Variants in NFATC2 observed in about 807,000 individuals in gnomAD.
The protein encoded by NFATC2 is nuclear factor of activated T cells 2, also known as nuclear factor of activated T-cells, cytoplasmic 2.
In NFATC2, 22 loss-of-function variants were observed where a neutral mutation model predicts 87.3. The ratio of observed to expected loss-of-function variants is 0.25; its 90% confidence interval spans 0.18 to 0.36. The LOEUF is 0.36. NFATC2 is among the 10% of genes least tolerant of loss of function. The pLI is 1.00. For missense variants in NFATC2, 1,149 were observed against 1,259.1 expected, an observed-to-expected ratio of 0.91 and a Z score of 1.32; for synonymous variants, 565 against 542.2, an observed-to-expected ratio of 1.04 and a Z score of -0.58.
At chr20:51,500,649 A>AC (rs1185690116) in intron 3 of NFATC2, among the ~76,000 whole-genome samples, 6,174 of 21,920 alleles carry the variant, frequency 0.28, 604 homozygotes, top group African/African-American at 0.45. Context: ...CACCCTCACC[A>AC]CCCCCCCCTC....
intron 9 of NFATC2, among the ~76,000 whole-genome samples, chr20:51,421,694 A>G (rs1600698428): frequency 6.6e-6 from 1 of 152,338 alleles, no homozygotes. Flanking sequence ...TGGATTTTCT[A>G]AGCAAAGTCA....
chr20:51,518,123 G>A (rs2076384670), intron 2 of NFATC2, among the ~76,000 whole-genome samples: 1 of 152,154 alleles, frequency 6.6e-6, no homozygotes, highest in South Asian at 2.1e-4. Context: ...CCTTGATAAA[G>A]ACAGTGTGAG....
chr20:51,435,817 A>C, intron 6 of NFATC2, 56 bp from the exon 7 acceptor site: 1 of 1,481,672 alleles, frequency 6.7e-7, no homozygotes, highest in Non-Finnish European at 9.2e-7. Flanking sequence ...CCAAAGATTT[A>C]AGACAAAAAC....
rs1161302844 is a variant in NFATC2 at position 51,415,884 on chromosome 20, G to A, written c.2722+16183C>T. Among the ~76,000 whole-genome samples the A allele has an allele frequency of 3.8e-4, 58 of 152,110 alleles. 1 individual carries two copies. ...CAGGAGGAAAAACTGACCCTGGTCT[G>A]GAACAATCCTGCACCAAATACAGAT... On this transcript the variant is annotated intron_variant, in intron 9 of 10. Transcript: ENST00000371564.
chr20:51,546,181 C>T (rs2076888145), upstream of NFATC2, among the ~76,000 whole-genome samples: 1 of 152,146 alleles, frequency 6.6e-6, no homozygotes, highest in African/African-American at 2.4e-5. Context: ...CCTTTGTTGT[C>T]CCTCTGAACA....
At chr20:51,443,816 G>A (rs1016056835) in intron 6 of NFATC2, among the ~76,000 whole-genome samples, 1 of 152,094 alleles carries the variant, frequency 6.6e-6, no homozygotes, top group Admixed American at 6.5e-5. Flanking sequence ...GGCAGCCGGT[G>A]TGAAAACAGC....
chr20:51,540,769 C>T (rs1322491948), intron 1 of NFATC2, among the ~76,000 whole-genome samples: 1 of 150,680 alleles, frequency 6.6e-6, no homozygotes, highest in Non-Finnish European at 1.5e-5. Flanking sequence ...AAAGTACCTC[C>T]CTTCAGATTT....
chr20:51,477,576 T>TAAAA (rs1555803320), intron 3 of NFATC2, among the ~76,000 whole-genome samples: 2 of 73,892 alleles, frequency 2.7e-5, no homozygotes, highest in African/African-American at 4.9e-5. Context: ...TATATATATA[T>TAAAA]ATATAAAATA....
At chr20:51,396,591 A>C (rs1311733731) in intron 10 of NFATC2, among the ~76,000 whole-genome samples, 1 of 152,168 alleles carries the variant, frequency 6.6e-6, no homozygotes. Context: ...CCAGCCACAA[A>C]GGCCATGGCC....
rs2077041138 is a variant in NFATC2, at chr20:51,562,466, G to A, written c.70+94C>T. On this transcript the variant is annotated intron_variant, in intron 1 of 10. Coordinates refer to the NFATC2 transcript ENST00000414705. The surrounding 1 kb of genome is among the most constrained non-coding windows in gnomAD (Gnocchi z 5.8). ...CCCCAGGCCTCCCGCACCGACCTCTGCCGGGAGCTGAAAGTGCTGCCCGGG... is the reference window on the plus strand; with the variant it reads ...CCCCAGGCCTCCCGCACCGACCTCTACCGGGAGCTGAAAGTGCTGCCCGGG... The A allele has an allele frequency of 5.9e-6, 7 of 1,178,380 alleles. No individual in the cohort carries two copies. The East Asian group carries it at 1.9e-4, about 32-fold the overall frequency. The allele number at this position is 1,178,380 out of a possible 1,614,324, so 73.0% of individuals were successfully genotyped here. A position where few individuals can be genotyped will look rare whatever the true frequency, so the allele number is the denominator to read the frequency against.
chr20:51,552,054 T>C (rs1205878711), intron 1 of NFATC2, among the ~76,000 whole-genome samples: 1 of 147,840 alleles, frequency 6.8e-6, no homozygotes. Context: ...TATTAAAATA[T>C]GGTTCATCCT....
intron 1 of NFATC2, among the ~76,000 whole-genome samples, chr20:51,536,323 G>A (rs1213585392): frequency 6.6e-6 from 1 of 152,138 alleles, no homozygotes. Flanking sequence ...GTGAGATATA[G>A]TGCTGATGGC....
At chr20:51,464,083 G>C (rs1462584942) in intron 5 of NFATC2, among the ~76,000 whole-genome samples, 1 of 152,218 alleles carries the variant, frequency 6.6e-6, no homozygotes, top group Non-Finnish European at 1.5e-5. Context: ...GTTGCAGGCT[G>C]TCTGCTCGAC....
At chr20:51,468,502 C>T (rs1444966883) in intron 5 of NFATC2, among the ~76,000 whole-genome samples, 1 of 152,180 alleles carries the variant, frequency 6.6e-6, no homozygotes, top group Non-Finnish European at 1.5e-5. Context: ...TTCTGAAATA[C>T]ACGGAGCAGA....
intron 3 of NFATC2, among the ~76,000 whole-genome samples, chr20:51,503,909 T>C (rs532506027): frequency 1.3e-5 from 2 of 152,334 alleles, no homozygotes; most frequent in African/African-American, 4.8e-5. Context: ...AGTGGTGCAA[T>C]CTTGGCTCAC....
At chr20:51,413,835 G>A (rs1033942780) in intron 9 of NFATC2, among the ~76,000 whole-genome samples, 11 of 152,130 alleles carry the variant, frequency 7.2e-5, no homozygotes, top group Admixed American at 1.3e-4. Flanking sequence ...CTTGCTGTGG[G>A]ACCTTGGACC....
At chr20:51,411,469 G>C (rs1979222897) in intron 9 of NFATC2, among the ~76,000 whole-genome samples, 1 of 149,792 alleles carries the variant, frequency 6.7e-6, no homozygotes. Context: ...AACTACACCT[G>C]GCCACACTAC....
At position 51,516,977 on chromosome 20, in the gene NFATC2, G is replaced by C. The variant is rs112926617; in HGVS notation, c.1161-22C>G. 21 of 1,590,190 alleles carry C rather than the reference G, an allele frequency of 1.3e-5. No individual in the cohort carries two copies. The African/African-American group carries it at 1.3e-4, about 10-fold the overall frequency. On this transcript the variant is annotated intron_variant, in intron 2 of 10. Coordinates refer to ENST00000371564, the MANE Select transcript of NFATC2 (RefSeq NM_012340.5). ...GATGCTAAAGGAGAAAATAAAATCA[G>C]CCATGTGTGCAATAAACCAAAATTA... is the stretch of plus-strand genomic sequence containing the variant.
At chr20:51,434,793 G>A (rs1320676306) in intron 8 of NFATC2, among the ~76,000 whole-genome samples, 1 of 152,130 alleles carries the variant, frequency 6.6e-6, no homozygotes, top group Admixed American at 6.5e-5. Context: ...CTCACATGGG[G>A]GGGTCACATA....
Sources: gnomAD v4.1 joint callset for allele counts (sites outside exome capture counted in the v4.1 genomes callset) on GRCh38, gnomAD v4.1.1 for gene constraint, Gnocchi (gnomAD v3.1) non-coding constraint, MANE v1.5 for transcripts, NCBI Gene and HGNC (gene_info 2026-07-23, HGNC 2026-07-21) for gene names.